The following C2orf92 variants were observed in gnomAD, a reference collection of about 807,000 sequenced individuals.
The protein encoded by C2orf92 is uncharacterized protein C2orf92.
chr2:97,695,745 C>A (rs1162666417), intron 5 of C2orf92, among the ~76,000 whole-genome samples: 1 of 151,454 alleles, frequency 6.6e-6, no homozygotes, highest in Non-Finnish European at 1.5e-5. Flanking sequence ...TCTTTCTTTT[C>A]TTTTCTTTTC....
At chr2:97,664,026 G>A (rs1675114918), upstream of C2orf92, 2 of 405,692 alleles carry the variant, frequency 4.9e-6, no homozygotes, top group Non-Finnish European at 7.9e-6. Context: ...CAGCCTACGC[G>A]AGCCCCGCGG....
intron 2 of C2orf92, chr2:97,675,572 G>A (rs964927752): frequency 5.9e-6 from 2 of 339,410 alleles, no homozygotes; most frequent in Non-Finnish European, 1.1e-5. Flanking sequence ...TTTTCCTGTA[G>A]CATTAAACCT....
chr2:97,684,953 A>C (rs1441799716), intron 3 of C2orf92, among the ~76,000 whole-genome samples: 1 of 150,998 alleles, frequency 6.6e-6, no homozygotes, highest in East Asian at 1.9e-4. Flanking sequence ...TTTTTGAGAC[A>C]GAGTCTTGTT....
intron 1 of C2orf92, chr2:97,671,694 C>A: frequency 2.6e-6 from 1 of 380,474 alleles, no homozygotes. Context: ...TCAAAAGGAC[C>A]CTACTGAGCA....
chr2:97,702,765 A>G lies in C2orf92; in HGVS notation c.762A>G (p.Lys254=). The change falls in exon 8 of 8, where the codon AAA becomes AAG. Residue 254 remains lysine (K), a synonymous_variant. Transcript: ENST00000627399. Reference sequence around the variant, plus strand: ...AAAAAAATTTCACAAAACTTGCAAAAAAACAGAAACAGTTGAAGAGCAGCT... The same window carrying G: ...AAAAAAATTTCACAAAACTTGCAAAGAAACAGAAACAGTTGAAGAGCAGCT... ...SEEKNFTKLA[K]KQKQLKSSSC... is the part of the protein sequence containing the mutation. 1 of 399,036 alleles carries G rather than the reference A, an allele frequency of 2.5e-6. No homozygotes were observed. The highest frequency in any genetic ancestry group is 1.3e-4 in the South Asian group (1 of 7,858). The allele number at this position is 399,036 out of a possible 1,614,324, so 24.7% of individuals were successfully genotyped here.
chr2:97,690,699 T>G (rs953234009), intron 5 of C2orf92, among the ~76,000 whole-genome samples: 7 of 150,958 alleles, frequency 4.6e-5, no homozygotes, highest in Non-Finnish European at 8.9e-5. Flanking sequence ...TCCTTTTACC[T>G]GACCTGAGTT....
upstream of C2orf92, among the ~76,000 whole-genome samples, chr2:97,664,910 T>G (rs1174056539): frequency 6.6e-6 from 1 of 152,198 alleles, no homozygotes; most frequent in East Asian, 1.9e-4. Flanking sequence ...GAAGAAAAGA[T>G]CCTTTTCCTT....
intron 3 of C2orf92, among the ~76,000 whole-genome samples, chr2:97,680,396 A>G (rs1353512356): frequency 6.6e-6 from 1 of 152,222 alleles, no homozygotes; most frequent in African/African-American, 2.4e-5. Context: ...AAAGGCAGAG[A>G]TTTGCAAATT....
chr2:97,702,982 A>G lies in C2orf92; in HGVS notation c.*181A>G, dbSNP rs1251285591. 1 of 392,844 alleles carries G rather than the reference A, an allele frequency of 2.5e-6. No individual in the cohort carries two copies. The highest frequency in any genetic ancestry group is 4.5e-6 in the Non-Finnish European group (1 of 223,012). 24.3% of individuals were successfully genotyped at this position (392,844 alleles called of 1,614,324 possible). ...TGCTTTACCATAGGACACTTGTGGC[A>G]ATATGGCACCGATGGCTGGCGTCGG... is the stretch of plus-strand genomic sequence containing the variant. On this transcript the variant is annotated 3_prime_UTR_variant, in exon 8 of 8. Coordinates refer to ENST00000627399, the MANE Select transcript of C2orf92 (RefSeq NM_001351368.2).
chr2:97,671,809 C>T (rs1316568283), intron 1 of C2orf92: 4 of 271,296 alleles, frequency 1.5e-5, no homozygotes, highest in African/African-American at 6.6e-5. Flanking sequence ...GCCCCAAAGC[C>T]GAGCTGAACC....
upstream of C2orf92, chr2:97,664,113 C>G: frequency 3.7e-6 from 1 of 269,176 alleles, no homozygotes; most frequent in South Asian, 1.7e-4. Flanking sequence ...CCGGGGCTGG[C>G]TGCGCGAAGG....
At chr2:97,690,920 A>G (rs1450685960) in intron 5 of C2orf92, 1 of 152,052 alleles carries the variant, frequency 6.6e-6, no homozygotes, top group African/African-American at 2.4e-5. Context: ...CTGGGACTAC[A>G]GACGCACACC....
chr2:97,696,099 G>A (rs1485152661), intron 5 of C2orf92, among the ~76,000 whole-genome samples: 1 of 152,238 alleles, frequency 6.6e-6, no homozygotes, highest in Admixed American at 6.5e-5. Context: ...TCCTCCAAGA[G>A]CTCACAGCTC....
chr2:97,680,278 G>A (rs1420440694), intron 3 of C2orf92, among the ~76,000 whole-genome samples: 1 of 152,178 alleles, frequency 6.6e-6, no homozygotes, highest in Non-Finnish European at 1.5e-5. Context: ...CAGCCTGGGC[G>A]ACAGAGTGAG....
rs1283652426 is a variant in C2orf92 at position 97,695,276 on chromosome 2, G to GT, written c.404-3745dup. ...TTCTGCTCTATGTTTTTCTCTAAAC[G>GT]TTTTTATAGTTTTAGGTATTACATT... On this transcript the variant is annotated intron_variant, in intron 5 of 7. Coordinates refer to ENST00000627399, the MANE Select transcript of C2orf92 (RefSeq NM_001351368.2). Among the ~76,000 whole-genome samples the GT allele has an allele frequency of 2.6e-5, 4 of 152,266 alleles. No homozygotes were observed. The East Asian group carries it at 7.7e-4, about 29-fold the overall frequency.
chr2:97,674,816 C>T (rs922267662), intron 2 of C2orf92, among the ~76,000 whole-genome samples: 4 of 152,148 alleles, frequency 2.6e-5, no homozygotes, highest in Non-Finnish European at 5.9e-5. Flanking sequence ...CATGTTCTGC[C>T]ACTCTGGAGG....
intron 1 of C2orf92, chr2:97,674,105 C>G (rs1001053876): frequency 5.4e-6 from 1 of 183,802 alleles, no homozygotes; most frequent in African/African-American, 2.3e-5. Context: ...GTGGCTTTGG[C>G]GCAGGAGGTC....
chr2:97,667,557 C>T (rs1377444066), upstream of C2orf92, among the ~76,000 whole-genome samples: 6 of 151,672 alleles, frequency 4.0e-5, no homozygotes, highest in South Asian at 2.1e-4. Context: ...CTCAGCCTCC[C>T]GAGTAGCTGG....
intron 4 of C2orf92, 149 bp downstream of exon 4, chr2:97,689,142 A>C: frequency 2.5e-6 from 1 of 395,332 alleles, no homozygotes; most frequent in African/African-American, 2.1e-5. Flanking sequence ...CAACTGTCTG[A>C]AATCCTCTCT....
Sources: allele counts gnomAD v4.1 joint callset (sites outside exome capture counted in the v4.1 genomes callset), GRCh38; gene constraint gnomAD v4.1.1; transcripts MANE v1.5; gene names NCBI Gene and HGNC (gene_info 2026-07-23, HGNC 2026-07-21).